The following PCNX2 variants were observed in gnomAD, a reference collection of about 807,000 sequenced individuals.
PCNX2 encodes the protein pecanex-like protein 2.
PCNX2 carries 168 observed loss-of-function variants against 223.8 expected under a neutral mutation model. The ratio of observed to expected loss-of-function variants is 0.75; its 90% confidence interval spans 0.66 to 0.85. PCNX2 has a LOEUF of 0.85. Among genes scored for constraint, PCNX2 ranks in the 40% least tolerant of loss-of-function variants. PCNX2 has a pLI of 0.00. For synonymous variants in PCNX2, 1,006 were observed against 1,052.6 expected (o/e 0.96, Z 0.86); for missense variants, 2,507 against 2,675.5 (o/e 0.94, Z 1.39).
intron 21 of PCNX2, among the ~76,000 whole-genome samples, chr1:233,124,692 T>A (rs140700295): frequency 6.6e-6 from 1 of 152,236 alleles, no homozygotes; most frequent in Non-Finnish European, 1.5e-5. Context: ...GTACTAAAAG[T>A]GTCAACGCTT....
intron 25 of PCNX2, among the ~76,000 whole-genome samples, chr1:233,049,847 A>G (rs1247332909): frequency 6.9e-6 from 1 of 145,496 alleles, no homozygotes; most frequent in Non-Finnish European, 1.5e-5. Flanking sequence ...AAAAAACACA[A>G]TCTCATTTAC....
chr1:233,014,597 CAA>C (rs1420755944), intron 28 of PCNX2, 66 bp downstream of exon 28: 1 of 1,245,832 alleles, frequency 8.0e-7, no homozygotes, highest in East Asian at 2.3e-5. Flanking sequence ...AAATGATTGA[CAA>C]AATCTGTCAA....
intron 25 of PCNX2, among the ~76,000 whole-genome samples, chr1:233,038,307 G>A (rs763788290): frequency 6.6e-5 from 10 of 152,102 alleles, no homozygotes; most frequent in Non-Finnish European, 1.3e-4. Context: ...CTACTGCCCC[G>A]TTTAAAGATG....
At chr1:233,117,826 C>T (rs1358322336) in intron 21 of PCNX2, among the ~76,000 whole-genome samples, 8 of 151,194 alleles carry the variant, frequency 5.3e-5, no homozygotes, top group South Asian at 2.1e-4. Context: ...CCGGCTAAAA[C>T]GGTGAAACCC....
chr1:233,119,716 C>A (rs1454171609), intron 21 of PCNX2, among the ~76,000 whole-genome samples: 1 of 151,874 alleles, frequency 6.6e-6, no homozygotes, highest in Non-Finnish European at 1.5e-5. Flanking sequence ...GCACTTCACA[C>A]AAAATTATGA....
chr1:233,063,005 G>C (rs778353640), intron 23 of PCNX2, among the ~76,000 whole-genome samples: 17 of 152,214 alleles, frequency 1.1e-4, no homozygotes, highest in Non-Finnish European at 2.4e-4. Context: ...GGAGGCTGAG[G>C]TGGGTGGATC....
chr1:233,168,217 A>G (rs1678916221), intron 17 of PCNX2, among the ~76,000 whole-genome samples: 1 of 152,090 alleles, frequency 6.6e-6, no homozygotes, highest in Non-Finnish European at 1.5e-5. Flanking sequence ...TAACACAATA[A>G]TATTGCAGCA....
At chr1:232,985,896 G>A (rs921909422) in intron 33 of PCNX2, 196 bp downstream of exon 33, 1 of 658,892 alleles carries the variant, frequency 1.5e-6, no homozygotes, top group Non-Finnish European at 2.7e-6. Flanking sequence ...TATCTGCTCT[G>A]TATCTTGTCT....
At chr1:233,031,962 G>A (rs1671283545) in intron 25 of PCNX2, 1 of 985,100 alleles carries the variant, frequency 1.0e-6, no homozygotes, top group Admixed American at 6.2e-5. Flanking sequence ...CCCTTGGATT[G>A]CAAACCCTAG....
chr1:232,987,327 G>A (rs772255817), intron 32 of PCNX2, among the ~76,000 whole-genome samples: 5 of 152,244 alleles, frequency 3.3e-5, no homozygotes, highest in Admixed American at 6.5e-5. Flanking sequence ...TCTTCTGTGC[G>A]TGATGGCCCT....
At chr1:233,308,997 T>TA in the PCNX2 span, among the ~76,000 whole-genome samples, 1 of 152,104 alleles carries the variant, frequency 6.6e-6, no homozygotes, top group African/African-American at 2.4e-5. Context: ...TTATAGGAGA[T>TA]ACACCTATGA....
intron 26 of PCNX2, among the ~76,000 whole-genome samples, chr1:233,017,569 G>A (rs1199791354): frequency 1.3e-5 from 2 of 151,904 alleles, no homozygotes; most frequent in Admixed American, 6.6e-5. Context: ...GCCCGCCTTG[G>A]CCTCCCAAAG....
At chr1:233,291,362 C>G (rs905508516) in intron 1 of PCNX2, among the ~76,000 whole-genome samples, 2 of 152,172 alleles carry the variant, frequency 1.3e-5, no homozygotes, top group African/African-American at 4.8e-5. Flanking sequence ...GTAATCCCAG[C>G]ACTTTGAGAG....
In PCNX2 at chr1:233,233,692, C is replaced by T. The variant is rs191046038; in HGVS notation, c.2358+3153G>A. 2.6e-3 allele frequency among the ~76,000 whole-genome samples: 389 copies of T among 152,096 alleles called. 1 individual carries two copies. The highest frequency in any genetic ancestry group is 7.3e-3 in the Admixed American group (111 of 15,278). ...GCAGAACATTGCGGGGGAAGCACTC[C>T]CAGAGCTCGTGTGCTGCACTTGAAG... On this transcript the variant is annotated intron_variant, in intron 9 of 33. Transcript: ENST00000258229.
At chr1:233,210,076 C>G (rs1438187586) in intron 12 of PCNX2, among the ~76,000 whole-genome samples, 5 of 152,116 alleles carry the variant, frequency 3.3e-5, no homozygotes, top group Non-Finnish European at 7.3e-5. Flanking sequence ...TTTAACAAGT[C>G]TGAGATAGTA....
chr1:233,244,783 T>C (rs1287926533), intron 8 of PCNX2, among the ~76,000 whole-genome samples: 2 of 152,246 alleles, frequency 1.3e-5, no homozygotes, highest in African/African-American at 4.8e-5. Flanking sequence ...CTCTGATTTC[T>C]ATGTAGATTG....
chr1:233,186,294 G>T (rs745954261), intron 15 of PCNX2, among the ~76,000 whole-genome samples: 13 of 152,110 alleles, frequency 8.5e-5, no homozygotes, highest in Middle Eastern at 3.2e-3. Flanking sequence ...GTACCATTTT[G>T]ACTCTGTATA....
chr1:233,191,723 T>C (rs1442466562), intron 15 of PCNX2, among the ~76,000 whole-genome samples: 1 of 152,212 alleles, frequency 6.6e-6, no homozygotes, highest in Admixed American at 6.5e-5. Flanking sequence ...AGACCTCTGC[T>C]AACATCACCT....
intron 13 of PCNX2, among the ~76,000 whole-genome samples, chr1:233,205,693 CAAAA>C (rs912049157): frequency 1.4e-5 from 2 of 138,900 alleles, no homozygotes; most frequent in Non-Finnish European, 3.2e-5. Context: ...GATCCCATCT[CAAAA>C]AAAAAAAAAA....
Sources: gnomAD v4.1 joint callset for allele counts (sites outside exome capture counted in the v4.1 genomes callset) on GRCh38, gnomAD v4.1.1 for gene constraint, MANE v1.5 for transcripts, NCBI Gene and HGNC (gene_info 2026-07-23, HGNC 2026-07-21) for gene names.